ZNF638: variants seen among roughly 807,000 people sequenced by gnomAD.
ZNF638 encodes the protein zinc finger protein 638.
In ZNF638, 46 loss-of-function variants were observed where a neutral mutation model predicts 195.6. That is an observed-to-expected ratio of 0.24 (90% confidence interval 0.19 to 0.30). ZNF638 has a LOEUF of 0.30. Ranked by LOEUF, ZNF638 falls within the 10% of genes least tolerant of loss-of-function variation. ZNF638 has a pLI of 1.00. For synonymous variants in ZNF638, 845 were observed against 772.0 expected (o/e 1.09, Z -1.57); for missense variants, 2,440 against 2,325.3 (o/e 1.05, Z -1.01).
intron 15 of ZNF638, among the ~76,000 whole-genome samples, 190 bp downstream of exon 15, chr2:71,400,708 G>A (rs369920811): frequency 6.6e-6 from 1 of 151,996 alleles, no homozygotes; most frequent in East Asian, 1.9e-4. Flanking sequence ...AAAACCCTGA[G>A]GTGCAGAGTA....
intron 22 of ZNF638, among the ~76,000 whole-genome samples, 193 bp from the exon 23 acceptor site, chr2:71,424,457 A>G (rs985127784): frequency 6.6e-6 from 1 of 152,214 alleles, no homozygotes; most frequent in African/African-American, 2.4e-5. Flanking sequence ...GAATTTAACT[A>G]CAACTTGTAC....
At chr2:71,366,216 G>A (rs2079196962) in intron 6 of ZNF638, among the ~76,000 whole-genome samples, 1 of 152,046 alleles carries the variant, frequency 6.6e-6, no homozygotes, top group South Asian at 2.1e-4. Flanking sequence ...TGGGGGTAGC[G>A]GCGGGTGCCA....
intron 13 of ZNF638, 52 bp from the exon 14 acceptor site, chr2:71,400,055 ATTAGT>A: frequency 1.4e-6 from 2 of 1,379,852 alleles, no homozygotes; most frequent in Non-Finnish European, 2.0e-6. Context: ...GTTTAGATTC[ATTAGT>A]TTAATTATAT....
At chr2:71,404,838 C>T (rs2080074124) in intron 17 of ZNF638, among the ~76,000 whole-genome samples, 2 of 152,202 alleles carry the variant, frequency 1.3e-5, no homozygotes, top group South Asian at 4.1e-4. Context: ...CTCATGTACA[C>T]ACCCTTCAGT....
rs146067420 is a variant in ZNF638, at chr2:71,397,787, C to A, written c.2429-914C>A. Among the ~76,000 whole-genome samples the A allele has an allele frequency of 3.9e-5, 6 of 152,170 alleles. No homozygotes were observed. The South Asian group carries it at 8.3e-4, about 21-fold the overall frequency. On this transcript the variant is annotated intron_variant, in intron 11 of 27. Coordinates refer to ENST00000264447, the MANE Select transcript of ZNF638 (RefSeq NM_014497.5). Reference sequence around the variant, plus strand: ...CTCTGATGATCTTCTGCAACACTTTCATGATCACATCTTTATAAACAGTAT... The same window carrying A: ...CTCTGATGATCTTCTGCAACACTTTAATGATCACATCTTTATAAACAGTAT...
intron 20 of ZNF638, among the ~76,000 whole-genome samples, chr2:71,414,143 A>T (rs1286792747): frequency 7.1e-6 from 1 of 140,192 alleles, no homozygotes; most frequent in Non-Finnish European, 1.5e-5. Context: ...GATTATTGCC[A>T]CAATTTCAGA....
At chr2:71,345,362 G>A (rs972963732) in intron 1 of ZNF638, among the ~76,000 whole-genome samples, 1 of 152,080 alleles carries the variant, frequency 6.6e-6, no homozygotes, top group Non-Finnish European at 1.5e-5. Context: ...TTGAAGATAT[G>A]TTATTTGGCA....
chr2:71,359,752 T>C (rs1423759109), intron 3 of ZNF638, among the ~76,000 whole-genome samples: 1 of 152,224 alleles, frequency 6.6e-6, no homozygotes, highest in Non-Finnish European at 1.5e-5. Flanking sequence ...CTTTATTCTT[T>C]TAAGCTGTGT....
intron 23 of ZNF638, among the ~76,000 whole-genome samples, chr2:71,426,121 A>G (rs2080534786): frequency 1.3e-5 from 2 of 152,214 alleles, no homozygotes; most frequent in Non-Finnish European, 2.9e-5. Context: ...GACATATGGA[A>G]CAGTAAATCC....
intron 1 of ZNF638, among the ~76,000 whole-genome samples, chr2:71,344,800 G>C (rs2078823675): frequency 6.6e-6 from 1 of 152,102 alleles, no homozygotes; most frequent in African/African-American, 2.4e-5. Flanking sequence ...AATTGCAAAA[G>C]GAAACTATAA....
intron 3 of ZNF638, among the ~76,000 whole-genome samples, chr2:71,357,846 T>C (rs1365590757): frequency 6.6e-6 from 1 of 152,202 alleles, no homozygotes; most frequent in East Asian, 1.9e-4. Flanking sequence ...CTTCGATTTA[T>C]TGTACTTCCC....
At chr2:71,351,006 G>A (rs991699144) in intron 2 of ZNF638, among the ~76,000 whole-genome samples, 3 of 152,160 alleles carry the variant, frequency 2.0e-5, no homozygotes, top group African/African-American at 7.2e-5. Flanking sequence ...CTGTTCAGTC[G>A]TAATCATTGG....
At chr2:71,342,691 T>TG (rs1422747651) in intron 1 of ZNF638, among the ~76,000 whole-genome samples, 1 of 152,124 alleles carries the variant, frequency 6.6e-6, no homozygotes, top group Non-Finnish European at 1.5e-5. Context: ...TGCGTGTGTG[T>TG]GTGTGTCTTG....
chr2:71,359,122 G>A (rs905622308), intron 3 of ZNF638, among the ~76,000 whole-genome samples: 3 of 152,142 alleles, frequency 2.0e-5, no homozygotes, highest in Non-Finnish European at 4.4e-5. Flanking sequence ...TCTGAGGTAT[G>A]CCTATGTATC....
Position 71,403,392 on chromosome 2 carries a change from G to A in ZNF638, c.2830-478G>A, listed in dbSNP as rs1042232581. 3.3e-5 allele frequency among the ~76,000 whole-genome samples: 5 copies of A among 152,170 alleles called. 1 individual carries two copies. The highest frequency in any genetic ancestry group is 2.4e-5 in the African/African-American group (1 of 41,554). ...GTGAAAATTAAAAGCAAAATGTATG[G>A]AGCTACAGTTTTACACCTATGAAAA... is the stretch of plus-strand genomic sequence containing the variant. On this transcript the variant is annotated intron_variant, in intron 16 of 27. Coordinates refer to ENST00000264447, the MANE Select transcript of ZNF638 (RefSeq NM_014497.5).
At chr2:71,354,534 G>A (rs374853399) in intron 2 of ZNF638, among the ~76,000 whole-genome samples, 8 of 151,970 alleles carry the variant, frequency 5.3e-5, no homozygotes, top group African/African-American at 1.7e-4. Context: ...TCAGGAGTTC[G>A]AGACCAGCCT....
intron 1 of ZNF638, among the ~76,000 whole-genome samples, chr2:71,335,786 GAGTAATTA>G (rs1185026515): frequency 6.6e-6 from 1 of 152,144 alleles, no homozygotes; most frequent in Non-Finnish European, 1.5e-5. Flanking sequence ...CAGTAACTAT[GAGTAATTA>G]ATTTTAATGT....
intron 20 of ZNF638, among the ~76,000 whole-genome samples, chr2:71,409,388 A>G (rs558324794): frequency 2.5e-4 from 38 of 152,272 alleles, no homozygotes; most frequent in Admixed American, 1.2e-3. Context: ...CTTTATTTCA[A>G]TATCTATAGT....
chr2:71,349,792 A>G lies in ZNF638; in HGVS notation c.838A>G (p.Asn280Asp), dbSNP rs150990011. The G allele has an allele frequency of 6.1e-4, 981 of 1,614,214 alleles. 1 individual carries two copies. Among genetic ancestry groups the G allele is most frequent in the Non-Finnish European group, 7.9e-4 (932 of 1,180,040 alleles). ...AATGGACTTCCCCGGTGAGTCCTCC[A>G]ATAATCGGTCCTTTTTCTCAGTTGA... ...RQMDFPGESS[N>D]NRSFFSVESG... Residue 280 changes from asparagine to aspartate, a missense_variant, in exon 2 of 28, where the codon AAT (asparagine) becomes GAT (aspartate). By Grantham distance (23) the Asn-to-Asp change is conservative. Transcript: ENST00000264447.
Sources: gnomAD v4.1 joint callset for allele counts (sites outside exome capture counted in the v4.1 genomes callset) on GRCh38, gnomAD v4.1.1 for gene constraint, MANE v1.5 for transcripts, NCBI Gene and HGNC (gene_info 2026-07-23, HGNC 2026-07-21) for gene names.